Variants in RABGAP1L observed in about 807,000 individuals in gnomAD.
RABGAP1L encodes the protein RAB GTPase activating protein 1 like, also known as rab GTPase-activating protein 1-like.
In RABGAP1L, 63 loss-of-function variants were observed where a neutral mutation model predicts 137.7. That is an observed-to-expected ratio of 0.46 (90% CI 0.37 to 0.56). The LOEUF is 0.56. Ranked by LOEUF, RABGAP1L falls within the 20% of genes least tolerant of loss-of-function variation. The probability of loss-of-function intolerance (pLI) is 0.00; values close to 1 mark genes in which losing one functional copy is unlikely to be tolerated. For missense variants in RABGAP1L, 1,095 were observed against 1,244.0 expected (o/e 0.88, Z 1.80); for synonymous variants, 431 against 433.7 (o/e 0.99, Z 0.08).
chr1:174,334,761 A>G (rs1385916608), intron 11 of RABGAP1L, among the ~76,000 whole-genome samples: 2 of 152,164 alleles, frequency 1.3e-5, no homozygotes, highest in African/African-American at 4.8e-5. Context: ...AGCTCAGTAA[A>G]TAGTATGAAT....
rs145351853 is a variant in RABGAP1L, at chr1:174,533,022, C to T, written c.1711-104353C>T. Among the ~76,000 whole-genome samples, 1,039 of 152,234 alleles carry T rather than the reference C, an allele frequency of 6.8e-3. 7 individuals are homozygous for T. The highest frequency in any genetic ancestry group is 0.011 in the Non-Finnish European group (779 of 68,006). On this transcript the variant is annotated intron_variant, in intron 13 of 25. Transcript: ENST00000681986. ...GGCCGAGGTGGGTGGGTCACGAGGT[C>T]GGGAGATCAAGGCCATCCTGGCTAA...
intron 20 of RABGAP1L, among the ~76,000 whole-genome samples, chr1:174,963,098 CAAA>C (rs925551001): frequency 7.6e-6 from 1 of 131,220 alleles, no homozygotes. Context: ...GACTCCGTCT[CAAA>C]AAAAAAAAAA....
intron 19 of RABGAP1L, among the ~76,000 whole-genome samples, chr1:174,946,390 A>G (rs1666768636): frequency 6.6e-6 from 1 of 152,194 alleles, no homozygotes; most frequent in Admixed American, 6.5e-5. Context: ...CTGTAGTCCC[A>G]GCTACTTGGG....
At chr1:174,825,789 G>A (rs1691506357) in intron 19 of RABGAP1L, among the ~76,000 whole-genome samples, 1 of 152,248 alleles carries the variant, frequency 6.6e-6, no homozygotes. Flanking sequence ...AACTCGGGAG[G>A]CTGAGGCAGG....
At chr1:174,740,363 C>G (rs374115012) in intron 17 of RABGAP1L, among the ~76,000 whole-genome samples, 1 of 152,146 alleles carries the variant, frequency 6.6e-6, no homozygotes, top group African/African-American at 2.4e-5. Context: ...GATGAATACA[C>G]TCATTACTGG....
In RABGAP1L at chr1:174,559,361, A is replaced by G. The variant is rs1667070676; in HGVS notation, c.1711-78014A>G. Among the ~76,000 whole-genome samples the G allele has an allele frequency of 1.3e-5, 2 of 152,214 alleles. 1 individual carries two copies. The stretch of plus-strand genomic sequence containing the variant: ...ACATACAGAACATTTACTTTATCAA[A>G]AAGAAGAGTGCATAGGGACTTCAGA... On this transcript the variant is annotated intron_variant, in intron 13 of 25. Coordinates refer to ENST00000681986, the MANE Select transcript of RABGAP1L (RefSeq NM_001366446.1).
intron 18 of RABGAP1L, among the ~76,000 whole-genome samples, chr1:174,776,554 C>T (rs1032301202): frequency 6.6e-6 from 1 of 152,156 alleles, no homozygotes; most frequent in African/African-American, 2.4e-5. Context: ...AAATAATTCT[C>T]TGAATACTTT....
intron 14 of RABGAP1L, among the ~76,000 whole-genome samples, chr1:174,683,143 T>C (rs1326143657): frequency 1.3e-5 from 2 of 151,562 alleles, no homozygotes; most frequent in East Asian, 1.9e-4. Flanking sequence ...TTTCCCCCTT[T>C]TAGTGCATTT....
intron 19 of RABGAP1L, among the ~76,000 whole-genome samples, chr1:174,893,340 C>T (rs1180792027): frequency 1.3e-5 from 2 of 152,092 alleles, no homozygotes; most frequent in Middle Eastern, 3.2e-3. Context: ...GATTGGCAAG[C>T]TGAATGTTTA....
chr1:174,772,140 G>A (rs1686159111), intron 18 of RABGAP1L, among the ~76,000 whole-genome samples: 1 of 152,038 alleles, frequency 6.6e-6, no homozygotes, highest in South Asian at 2.1e-4. Flanking sequence ...AGAGGTTGCA[G>A]TGAGCTGAGA....
intron 21 of RABGAP1L, among the ~76,000 whole-genome samples, chr1:174,972,055 C>G (rs928853390): frequency 6.6e-6 from 1 of 152,190 alleles, no homozygotes; most frequent in African/African-American, 2.4e-5. Flanking sequence ...CGCCCTCTCT[C>G]GGATTCCTTA....
At position 174,620,902 on chromosome 1, in the gene RABGAP1L, A is replaced by T. The variant is rs565427546; in HGVS notation, c.1711-16473A>T. On this transcript the variant is annotated intron_variant, in intron 13 of 25. Transcript: ENST00000681986. ...TAGACCACTAGCAAGACTAATAAAG[A>T]AGAAAAGAGAGAAGAATCAAATAGA... Among the ~76,000 whole-genome samples, 7 of 152,292 alleles carry T rather than the reference A, an allele frequency of 4.6e-5. No individual in the cohort carries two copies. The East Asian group carries it at 1.4e-3, about 29-fold the overall frequency.
At chr1:174,360,152 ATTG>A (rs1331560414) in intron 11 of RABGAP1L, among the ~76,000 whole-genome samples, 4 of 152,222 alleles carry the variant, frequency 2.6e-5, no homozygotes, top group African/African-American at 4.8e-5. Flanking sequence ...GAAGACAATA[ATTG>A]TTGTTAACAG....
intron 3 of RABGAP1L, among the ~76,000 whole-genome samples, chr1:174,226,790 T>C (rs368542977): frequency 6.6e-6 from 1 of 151,980 alleles, no homozygotes; most frequent in Non-Finnish European, 1.5e-5. Flanking sequence ...TTAAAAAAAA[T>C]TTTCATCTAT....
chr1:174,229,673 T>A (rs1670471842), intron 3 of RABGAP1L, among the ~76,000 whole-genome samples: 1 of 152,190 alleles, frequency 6.6e-6, no homozygotes. Flanking sequence ...GAGGAAAAAG[T>A]CATTTGGGTT....
At chr1:174,765,629 A>G (rs1685605864) in intron 18 of RABGAP1L, among the ~76,000 whole-genome samples, 1 of 151,192 alleles carries the variant, frequency 6.6e-6, no homozygotes, top group African/African-American at 2.4e-5. Context: ...ACAGGGTCTT[A>G]CTATGTTGCC....
chr1:174,782,796 C>G (rs1315771475), intron 18 of RABGAP1L, among the ~76,000 whole-genome samples: 1 of 152,118 alleles, frequency 6.6e-6, no homozygotes, highest in African/African-American at 2.4e-5. Context: ...TCAGCTCACA[C>G]CTGACCAATC....
At chr1:174,962,895 C>A (rs1446566406) in intron 20 of RABGAP1L, among the ~76,000 whole-genome samples, 1 of 152,088 alleles carries the variant, frequency 6.6e-6, no homozygotes, top group East Asian at 1.9e-4. Context: ...GTCAGGAGTT[C>A]AAGACCAACC....
chr1:174,798,240 C>CAA lies in RABGAP1L; in HGVS notation c.2212-13575_2212-13574dup, dbSNP rs1161748259. ...TGAAACCCCATCTCTACTAAAAATA[C>CAA]AAAAAAAAAAAAAAAAAATAGCTGG... On this transcript the variant is annotated intron_variant, in intron 18 of 25. Transcript: ENST00000681986. Among the ~76,000 whole-genome samples the CAA allele has an allele frequency of 4.0e-3, 330 of 82,960 alleles. 4 individuals carry two copies. The highest frequency in any genetic ancestry group is 9.0e-3 in the African/African-American group (281 of 31,206). 54.4% of individuals were successfully genotyped at this position (82,960 alleles called of 152,430 possible). A position where few individuals can be genotyped will look rare whatever the true frequency, so the allele number is the denominator to read the frequency against.
Sources: allele counts gnomAD v4.1 joint callset (sites outside exome capture counted in the v4.1 genomes callset), GRCh38; gene constraint gnomAD v4.1.1; transcripts MANE v1.5; gene names NCBI Gene and HGNC (gene_info 2026-07-23, HGNC 2026-07-21).